The following MYRIP variants were observed in gnomAD, a reference collection of about 807,000 sequenced individuals.
MYRIP encodes the protein myosin VIIA and Rab interacting protein, also known as rab effector MyRIP.
A neutral mutation model predicts 98.0 loss-of-function variants in MYRIP; 49 were observed. The ratio of observed to expected loss-of-function variants is 0.50; its 90% CI spans 0.40 to 0.63. The LOEUF is 0.63. Among genes scored for constraint, MYRIP ranks in the 30% least tolerant of loss-of-function variants. MYRIP has a pLI of 0.00. For synonymous variants in MYRIP, 404 were observed against 409.5 expected (o/e 0.99, Z 0.16); for missense variants, 1,004 against 1,058.2 (o/e 0.95, Z 0.71).
chr3:39,870,243 G>C (rs996127398), intron 1 of MYRIP, among the ~76,000 whole-genome samples: 2 of 152,188 alleles, frequency 1.3e-5, no homozygotes, highest in Non-Finnish European at 2.9e-5. Flanking sequence ...TCCTTACCCT[G>C]CCCTGAAAGA....
At chr3:40,127,832 C>A (rs1321679121) in intron 3 of MYRIP, among the ~76,000 whole-genome samples, 1 of 152,162 alleles carries the variant, frequency 6.6e-6, no homozygotes, top group Non-Finnish European at 1.5e-5. Flanking sequence ...TTTTCTGTGG[C>A]CCCAGCTCCC....
intron 3 of MYRIP, among the ~76,000 whole-genome samples, chr3:40,115,219 T>C (rs1180783044): frequency 1.3e-5 from 2 of 152,222 alleles, no homozygotes; most frequent in African/African-American, 2.4e-5. Flanking sequence ...TCTGTGTGTA[T>C]ATATTACATT....
At chr3:40,135,962 G>T (rs866319157) in intron 3 of MYRIP, among the ~76,000 whole-genome samples, 2 of 152,200 alleles carry the variant, frequency 1.3e-5, no homozygotes, top group Non-Finnish European at 2.9e-5. Flanking sequence ...AGGCTAGGAA[G>T]AAACTGCATG....
intron 3 of MYRIP, among the ~76,000 whole-genome samples, chr3:40,130,325 T>C (rs1465485012): frequency 1.3e-5 from 2 of 152,164 alleles, no homozygotes; most frequent in South Asian, 2.1e-4. Context: ...ATTATTGGCT[T>C]AATACTACAT....
At chr3:40,014,696 A>G (rs1284969811) in intron 2 of MYRIP, among the ~76,000 whole-genome samples, 1 of 152,208 alleles carries the variant, frequency 6.6e-6, no homozygotes, top group East Asian at 1.9e-4. Flanking sequence ...AAGGTCTTAC[A>G]TGTCGAGTCA....
intron 3 of MYRIP, among the ~76,000 whole-genome samples, chr3:40,136,816 A>G (rs958951129): frequency 3.3e-4 from 50 of 152,342 alleles, no homozygotes; most frequent in African/African-American, 9.9e-4. Context: ...GCAGAAATAA[A>G]TATGTTCTTT....
In MYRIP at chr3:39,845,068, G is replaced by A. The variant is rs141189906; in HGVS notation, c.-31+35152G>A. 5.3e-5 allele frequency among the ~76,000 whole-genome samples: 8 copies of A among 152,298 alleles called. No homozygotes were observed. In the East Asian group the frequency reaches 1.4e-3, roughly 26 times the overall value. ...TCCAAAAGAGCTCATTAAGCATCAA[G>A]CCTCTTTTTTGACTGAAAGGCTCAA... On this transcript the variant is annotated intron_variant, in intron 1 of 16. Transcript: ENST00000302541.
chr3:40,116,801 C>G (rs948822458), intron 3 of MYRIP, among the ~76,000 whole-genome samples: 5 of 152,160 alleles, frequency 3.3e-5, no homozygotes, highest in African/African-American at 7.2e-5. Flanking sequence ...TCCCAAAAAC[C>G]GTTAAAATGA....
Position 40,258,299 on chromosome 3 carries a change from C to A in MYRIP, c.*133C>A. The A allele has an allele frequency of 1.9e-6, 2 of 1,039,750 alleles. No homozygotes were observed. The highest frequency in any genetic ancestry group is 3.0e-6 in the Non-Finnish European group (2 of 672,818). 64.4% of individuals were successfully genotyped at this position (1,039,750 alleles called of 1,614,324 possible). On this transcript the variant is annotated 3_prime_UTR_variant, in exon 17 of 17. Coordinates refer to ENST00000302541, the MANE Select transcript of MYRIP (RefSeq NM_015460.4). ...CTGGGGAGGCCACAGTGCACCATTG[C>A]ACAGGGCTGTCCTGATACCTCATCC...
Position 40,250,510 on chromosome 3 carries a change from T to C in MYRIP, c.2428+11T>C, listed in dbSNP as rs1217167958. ...CTCCACCGGTGAAAGGTATGCTAAA[T>C]TAAAACCACAAAGCTACCAAAAAAT... On this transcript the variant is annotated intron_variant, in intron 15 of 16. Coordinates refer to ENST00000302541, the MANE Select transcript of MYRIP (RefSeq NM_015460.4). 2 of 1,614,176 alleles carry C rather than the reference T, an allele frequency of 1.2e-6. No individual in the cohort carries two copies. The highest frequency in any genetic ancestry group is 2.2e-5 in the South Asian group (2 of 91,088).
intron 2 of MYRIP, among the ~76,000 whole-genome samples, chr3:39,949,455 T>C (rs1410523703): frequency 1.3e-5 from 2 of 152,144 alleles, no homozygotes; most frequent in Non-Finnish European, 2.9e-5. Context: ...ATCATGGTAA[T>C]AAAATTATAT....
intron 9 of MYRIP, among the ~76,000 whole-genome samples, chr3:40,186,751 C>T (rs976040532): frequency 2.0e-4 from 30 of 152,194 alleles, no homozygotes; most frequent in African/African-American, 7.0e-4. Flanking sequence ...TGGGGTGGGG[C>T]ACACACAGAG....
chr3:40,097,392 C>T (rs946907276), intron 3 of MYRIP, among the ~76,000 whole-genome samples: 6 of 152,054 alleles, frequency 3.9e-5, no homozygotes, highest in African/African-American at 1.4e-4. Flanking sequence ...AAAGAGTTCA[C>T]AAATCTGTGG....
intron 3 of MYRIP, among the ~76,000 whole-genome samples, chr3:40,076,100 G>C (rs1948338194): frequency 6.6e-6 from 1 of 152,168 alleles, no homozygotes; most frequent in South Asian, 2.1e-4. Context: ...AGATACTTGG[G>C]AGGCTGAGGT....
intron 2 of MYRIP, among the ~76,000 whole-genome samples, chr3:39,923,012 G>A (rs76221346): frequency 0.075 from 11,429 of 152,098 alleles, 464 homozygotes; most frequent in South Asian, 0.13. Context: ...AAGTCTCCGC[G>A]AGGAAATAAA....
At chr3:39,839,041 C>T (rs936335500) in intron 1 of MYRIP, among the ~76,000 whole-genome samples, 11 of 151,290 alleles carry the variant, frequency 7.3e-5, no homozygotes, top group African/African-American at 2.7e-4. Flanking sequence ...GGTGATATTC[C>T]CTTTATTATT....
intron 3 of MYRIP, among the ~76,000 whole-genome samples, chr3:40,081,218 G>T (rs549207361): frequency 2.0e-5 from 3 of 152,120 alleles, no homozygotes; most frequent in East Asian, 3.9e-4. Flanking sequence ...ATGAATTTTT[G>T]AGTACAGTGT....
At chr3:40,191,719 A>C (rs1321594052) in intron 10 of MYRIP, among the ~76,000 whole-genome samples, 2 of 152,232 alleles carry the variant, frequency 1.3e-5, no homozygotes, top group African/African-American at 4.8e-5. Context: ...GTAAAACAGA[A>C]GATCATTAAA....
intron 1 of MYRIP, among the ~76,000 whole-genome samples, chr3:39,873,862 C>G (rs917839822): frequency 1.3e-5 from 2 of 152,062 alleles, no homozygotes; most frequent in Non-Finnish European, 2.9e-5. Context: ...GTAGTTTTTT[C>G]TAATTCTGTG....
Sources: gnomAD v4.1 joint callset for allele counts (sites outside exome capture counted in the v4.1 genomes callset) on GRCh38, gnomAD v4.1.1 for gene constraint, MANE v1.5 for transcripts, NCBI Gene and HGNC (gene_info 2026-07-23, HGNC 2026-07-21) for gene names.